The following PLEKHM1 variants were observed in gnomAD, a reference collection of about 807,000 sequenced individuals.
PLEKHM1 encodes the protein pleckstrin homology and RUN domain containing M1, also known as pleckstrin homology domain-containing family M member 1.
In PLEKHM1, 28 loss-of-function variants were observed where a neutral mutation model predicts 94.3. The ratio of observed to expected loss-of-function variants is 0.30; its 90% CI spans 0.22 to 0.41. PLEKHM1 has a LOEUF of 0.41. Ranked by LOEUF, PLEKHM1 falls within the 10% of genes least tolerant of loss-of-function variation. The pLI, the probability that PLEKHM1 is intolerant of heterozygous loss-of-function variation, is 1.00. For synonymous variants in PLEKHM1, 424 were observed against 581.2 expected (o/e 0.73, Z 3.89); for missense variants, 907 against 1,358.6 (o/e 0.67, Z 5.22).
At chr17:45,469,298 G>A (rs1597975835) in intron 4 of PLEKHM1, among the ~76,000 whole-genome samples, 1 of 152,020 alleles carries the variant, frequency 6.6e-6, no homozygotes, top group Non-Finnish European at 1.5e-5. Context: ...TGTCTCCTCC[G>A]TGCTGCTTCC....
At chr17:45,462,723 A>C (rs1298622848) in intron 5 of PLEKHM1, among the ~76,000 whole-genome samples, 2 of 152,228 alleles carry the variant, frequency 1.3e-5, no homozygotes, top group African/African-American at 4.8e-5. Flanking sequence ...CAATGTCTTT[A>C]ACATAAAATA....
At chr17:45,483,150 C>T (rs1274220118) in intron 1 of PLEKHM1, among the ~76,000 whole-genome samples, 3 of 151,806 alleles carry the variant, frequency 2.0e-5, no homozygotes, top group Admixed American at 6.6e-5. Context: ...CGTGTCTAAC[C>T]GGGATGACCA....
chr17:45,440,429 C>G, intron 9 of PLEKHM1: 1 of 648,162 alleles, frequency 1.5e-6, no homozygotes, highest in Non-Finnish European at 2.8e-6. Context: ...ACCTTGGGCA[C>G]GTTACTTAAC....
Position 45,459,051 on chromosome 17 carries a change from C to T in PLEKHM1, c.1309-612G>A, listed in dbSNP as rs144007834. On this transcript the variant is annotated intron_variant, in intron 5 of 11. Coordinates refer to ENST00000430334, the MANE Select transcript of PLEKHM1 (RefSeq NM_014798.3). The stretch of plus-strand genomic sequence containing the variant: ...GCTGAAGCGGGAGAATCGCTTGAGC[C>T]AGGGAGGTCAAGGCTGCAGTGAGCC... Among the ~76,000 whole-genome samples, 97 of 152,070 alleles carry T rather than the reference C, an allele frequency of 6.4e-4. 1 individual carries two copies. Among genetic ancestry groups the T allele is most frequent in the Non-Finnish European group, 1.3e-3 (90 of 67,992 alleles).
At chr17:45,458,866 C>A (rs1185302316) in intron 5 of PLEKHM1, among the ~76,000 whole-genome samples, 3 of 151,298 alleles carry the variant, frequency 2.0e-5, no homozygotes, top group Admixed American at 2.0e-4. Flanking sequence ...GCCATGGTGG[C>A]TCACACCTGT....
At chr17:45,438,989 G>C (rs1473535298) in intron 11 of PLEKHM1, among the ~76,000 whole-genome samples, 2 of 152,208 alleles carry the variant, frequency 1.3e-5, no homozygotes, top group Non-Finnish European at 2.9e-5. Context: ...GGAAGGTCTG[G>C]ACAAATTTTT....
In PLEKHM1 at chr17:45,478,027, C is replaced by T. The variant is rs1371285719; in HGVS notation, c.169G>A (p.Val57Ile). 1.1e-5 allele frequency: 17 copies of T among 1,614,046 alleles called. No individual in the cohort carries two copies. Among genetic ancestry groups the T allele is most frequent in the East Asian group, 8.9e-5 (4 of 44,898 alleles). Residue 57 changes from valine to isoleucine, a missense_variant, in exon 3 of 12, where the codon GTA becomes ATA. Physicochemically the swap from Val to Ile is conservative, Grantham distance 29. Transcript: ENST00000430334. The stretch of plus-strand genomic sequence containing the variant: ...TTGGCGTGCAGGCCATGGATAAATA[C>T]GGCCTCCAGGGCGCTGCACATGGTG... ...ANTMCSALEAVFIHGLHAKHI... is the reference protein window; with the variant it reads ...ANTMCSALEAIFIHGLHAKHI...
At chr17:45,441,113 C>T (rs1332204271) in intron 9 of PLEKHM1, 1 of 152,278 alleles carries the variant, frequency 6.6e-6, no homozygotes, top group Non-Finnish European at 1.5e-5. Context: ...TGCAGAAAGT[C>T]CCTTAGTGCA....
chr17:45,438,701 T>C (rs112755059), intron 11 of PLEKHM1, among the ~76,000 whole-genome samples: 1 of 152,120 alleles, frequency 6.6e-6, no homozygotes, highest in African/African-American at 2.4e-5. Context: ...GGATTACAGG[T>C]GCCCACCACC....
At chr17:45,466,040 C>T in intron 5 of PLEKHM1, among the ~76,000 whole-genome samples, 1 of 152,122 alleles carries the variant, frequency 6.6e-6, no homozygotes, top group East Asian at 1.9e-4. Context: ...GGTGCACAGT[C>T]ACAACCTTCA....
chr17:45,440,473 T>C, intron 9 of PLEKHM1: 1 of 601,960 alleles, frequency 1.7e-6, no homozygotes, highest in Middle Eastern at 4.4e-4. Flanking sequence ...CTCTGGGAAA[T>C]GGAGTTGTCT....
intron 8 of PLEKHM1, among the ~76,000 whole-genome samples, chr17:45,448,267 G>T (rs1169042637): frequency 6.6e-6 from 1 of 152,232 alleles, no homozygotes; most frequent in Admixed American, 6.5e-5. Flanking sequence ...TATGTAGTTA[G>T]TTAAATATTT....
At position 45,454,253 on chromosome 17, in the gene PLEKHM1, C is replaced by A; in HGVS notation, c.1599G>T (p.Arg533=). 2 of 1,608,270 alleles carry A rather than the reference C, an allele frequency of 1.2e-6. No individual in the cohort carries two copies. The highest frequency in any genetic ancestry group is 2.2e-5 in the South Asian group (2 of 90,332). ...CCACGGTGCCCAGCTTCATGAGACC[C>A]CGGAATGGGTTGGACAGTCCTGGAG... ...RRQMGLSNPF[R]GLMKLGTVER... The change falls in exon 7 of 12, where the codon CGG becomes CGT. Residue 533 remains arginine (R), a synonymous_variant. Coordinates refer to ENST00000430334, the MANE Select transcript of PLEKHM1 (RefSeq NM_014798.3).
At chr17:45,439,145 C>T (rs1567758646) in intron 11 of PLEKHM1, among the ~76,000 whole-genome samples, 1 of 152,228 alleles carries the variant, frequency 6.6e-6, no homozygotes. Context: ...GTAACTCATA[C>T]AACCCTCCTC....
intron 3 of PLEKHM1, among the ~76,000 whole-genome samples, chr17:45,476,824 C>T (rs1001826496): frequency 6.6e-6 from 1 of 152,172 alleles, no homozygotes; most frequent in Admixed American, 6.5e-5. Flanking sequence ...GCAGGTTTAT[C>T]TCCTCCATGG....
chr17:45,434,967 CAAAAA>C (rs11369025), downstream of PLEKHM1, among the ~76,000 whole-genome samples: 1 of 98,132 alleles, frequency 1.0e-5, no homozygotes, highest in Admixed American at 1.1e-4. Flanking sequence ...AGACTGTATC[CAAAAA>C]AAAAAAAAAA....
chr17:45,476,440 G>A (rs781247852), intron 3 of PLEKHM1, among the ~76,000 whole-genome samples: 2 of 152,030 alleles, frequency 1.3e-5, no homozygotes, highest in Non-Finnish European at 2.9e-5. Flanking sequence ...GAGGATTGGG[G>A]AGCGCTCCAA....
intron 1 of PLEKHM1, among the ~76,000 whole-genome samples, chr17:45,483,866 C>T (rs549677285): frequency 1.3e-5 from 2 of 152,298 alleles, no homozygotes; most frequent in African/African-American, 2.4e-5. Context: ...CCTAGGAAAA[C>T]CCGATTCCTG....
At position 45,453,805 on chromosome 17, in the gene PLEKHM1, C is replaced by G; in HGVS notation, c.2047G>C (p.Asp683His). The G allele has an allele frequency of 6.2e-7, 1 of 1,614,032 alleles. No homozygotes were observed. Among genetic ancestry groups the G allele is most frequent in the Non-Finnish European group, 8.5e-7 (1 of 1,179,872 alleles). ...TACAGCAGGGACTCCTTGATGGCATCTGGCTCTGGAACCTGGGCGGACGAC... is the reference window on the plus strand; with the variant it reads ...TACAGCAGGGACTCCTTGATGGCATGTGGCTCTGGAACCTGGGCGGACGAC... Reference protein sequence around the residue: ...DWSSAQVPEPDAIKESLLYLY... With the variant: ...DWSSAQVPEPHAIKESLLYLY... The change falls in exon 7 of 12, where the codon GAT (aspartate) becomes CAT (histidine). Residue 683 changes from aspartate (D) to histidine (H), a missense_variant. Physicochemically the swap from Asp to His is moderately conservative, Grantham distance 81. This residue lies in a region of PLEKHM1 where 477 missense variants were observed against 601.5 expected (regional missense o/e 0.79). Transcript: ENST00000430334. The surrounding 1 kb of genome is among the most constrained non-coding windows in gnomAD (Gnocchi z 4.1).
Sources: allele counts gnomAD v4.1 joint callset (sites outside exome capture counted in the v4.1 genomes callset), GRCh38; gene constraint gnomAD v4.1.1; regional missense constraint gnomAD v4.1.1; non-coding constraint Gnocchi (gnomAD v3.1); transcripts MANE v1.5; gene names NCBI Gene and HGNC (gene_info 2026-07-23, HGNC 2026-07-21).